The following CTBP2 variants were observed in gnomAD, a reference collection of about 807,000 sequenced individuals.
CTBP2 encodes the protein C-terminal binding protein 2.
In CTBP2, 30 loss-of-function variants were observed where a neutral mutation model predicts 80.3. The observed-to-expected ratio is 0.37, with a 90% CI of 0.28 to 0.51. CTBP2 has a LOEUF of 0.51. CTBP2 is among the 20% of genes least tolerant of loss of function. The pLI is 0.93. For missense variants in CTBP2, 1,212 were observed against 1,375.3 expected, an observed-to-expected ratio of 0.88 and a Z score of 1.88; for synonymous variants, 594 against 587.4, an observed-to-expected ratio of 1.01 and a Z score of -0.16.
chr10:125,104,928 CCT>C (rs1477579233), intron 2 of CTBP2, among the ~76,000 whole-genome samples: 1 of 152,200 alleles, frequency 6.6e-6, no homozygotes, highest in Admixed American at 6.5e-5. Context: ...CGCCCCCACC[CCT>C]GTGAAAACAC....
chr10:125,124,369 C>T (rs1401395350), intron 1 of CTBP2, among the ~76,000 whole-genome samples: 1 of 152,214 alleles, frequency 6.6e-6, no homozygotes, highest in African/African-American at 2.4e-5. Context: ...CAAAAGAAAA[C>T]TGCAGGAGCG....
At chr10:125,005,520 C>A in intron 1 of CTBP2, 2 of 1,588,116 alleles carry the variant, frequency 1.3e-6, no homozygotes, top group Non-Finnish European at 1.7e-6. Context: ...AAGGCAGGGA[C>A]GAGGGCCAAC....
chr10:125,051,465 C>T (rs939673448), intron 2 of CTBP2, among the ~76,000 whole-genome samples: 3 of 152,132 alleles, frequency 2.0e-5, no homozygotes, highest in Admixed American at 2.0e-4. Context: ...CATGGCAAAA[C>T]CCCATCTCTA....
chr10:125,084,027 C>T (rs143156152), intron 2 of CTBP2, among the ~76,000 whole-genome samples: 487 of 152,312 alleles, frequency 3.2e-3, no homozygotes, highest in African/African-American at 0.011. Flanking sequence ...ATGATCTGCC[C>T]GCCTTGGCCT....
Position 124,994,795 on chromosome 10 carries a change from T to C in CTBP2, c.2186-112A>G, listed in dbSNP as rs1343422544. The C allele has an allele frequency of 6.5e-6, 7 of 1,074,388 alleles. No individual in the cohort carries two copies. In the Admixed American group the frequency reaches 1.0e-4, roughly 16 times the overall value. The allele number at this position is 1,074,388 out of a possible 1,614,324, so 66.6% of individuals were successfully genotyped here. A position where few individuals can be genotyped will look rare whatever the true frequency, so the allele number is the denominator to read the frequency against. Reference sequence around the variant, plus strand: ...GCTTGGCATCCCCGCTGGTAGCTGCTGCCAGAGAAACCGTGTGCCCAAAGC... The same window carrying C: ...GCTTGGCATCCCCGCTGGTAGCTGCCGCCAGAGAAACCGTGTGCCCAAAGC... On this transcript the variant is annotated intron_variant, in intron 4 of 8. Transcript: ENST00000309035.
intron 1 of CTBP2, among the ~76,000 whole-genome samples, chr10:125,025,856 C>T (rs376445837): frequency 6.6e-4 from 101 of 152,338 alleles, no homozygotes; most frequent in African/African-American, 2.4e-3. Context: ...AACTAAAGAA[C>T]AGGAGGGCAC....
chr10:125,110,412 A>G (rs2135922274), intron 2 of CTBP2, among the ~76,000 whole-genome samples: 1 of 152,282 alleles, frequency 6.6e-6, no homozygotes, highest in South Asian at 2.1e-4. Flanking sequence ...CCATCCATCA[A>G]TGAGTGTGGT....
At chr10:125,077,357 G>A (rs1846422246) in intron 2 of CTBP2, among the ~76,000 whole-genome samples, 1 of 152,052 alleles carries the variant, frequency 6.6e-6, no homozygotes, top group African/African-American at 2.4e-5. Context: ...GTTGGTTTCT[G>A]CAGAGTTGGT....
At chr10:125,152,264 G>C (rs1220042860) in intron 1 of CTBP2, among the ~76,000 whole-genome samples, 2 of 152,208 alleles carry the variant, frequency 1.3e-5, no homozygotes, top group Admixed American at 1.3e-4. Flanking sequence ...CGGACGCCAG[G>C]AGGCCCGTCC....
intron 1 of CTBP2, among the ~76,000 whole-genome samples, chr10:125,007,546 G>C (rs1242925864): frequency 6.6e-6 from 1 of 152,072 alleles, no homozygotes; most frequent in African/African-American, 2.4e-5. Context: ...ATGGCGGAAG[G>C]ATCCGGAGCT....
At chr10:125,108,488 T>C (rs949808696) in intron 2 of CTBP2, among the ~76,000 whole-genome samples, 2 of 152,244 alleles carry the variant, frequency 1.3e-5, no homozygotes, top group Non-Finnish European at 2.9e-5. Flanking sequence ...TGGGCTCTGG[T>C]TGAAATCCAT....
chr10:125,044,642 C>T (rs962172979), intron 2 of CTBP2, among the ~76,000 whole-genome samples: 1 of 152,126 alleles, frequency 6.6e-6, no homozygotes, highest in African/African-American at 2.4e-5. Flanking sequence ...GTGGCGTGTG[C>T]CTCTAGTCTC....
intron 2 of CTBP2, among the ~76,000 whole-genome samples, chr10:125,083,612 G>A (rs753545909): frequency 2.0e-5 from 3 of 152,080 alleles, no homozygotes; most frequent in African/African-American, 4.8e-5. Context: ...GTCCGAACAA[G>A]CACCCAGGAT....
chr10:125,066,618 G>A lies in CTBP2; in HGVS notation c.-101-27463C>T, dbSNP rs945292588. On this transcript the variant is annotated intron_variant, in intron 2 of 10. Coordinates refer to the CTBP2 transcript ENST00000337195. This position sits in a 1 kb window ranked among gnomAD's most constrained non-coding sequence, Gnocchi z 4.1. ...CAAAGTCTGCCTGGTGGAGGAGGGT[G>A]ACACCTGCACAGAAGCCAGGGAGCA... Among the ~76,000 whole-genome samples, 1 of 152,230 alleles carries A rather than the reference G, an allele frequency of 6.6e-6. No homozygotes were observed. The highest frequency in any genetic ancestry group is 1.5e-5 in the Non-Finnish European group (1 of 68,004).
At position 125,027,201 on chromosome 10, in the gene CTBP2, C is replaced by A; in HGVS notation, c.559G>T (p.Gly187Trp). Residue 187 changes from glycine (G) to tryptophan (W), a missense_variant, in exon 1 of 9, where the codon GGG becomes TGG. Gly to Trp is a radical substitution (Grantham distance 184). Transcript: ENST00000309035. ...TCGGGCTGCTCCCGTCCATACCGCC[C>A]GGGAGATGCAGCCCTGCTCTGTGTC... 1 of 1,609,728 alleles carries A rather than the reference C, an allele frequency of 6.2e-7. No individual in the cohort carries two copies. The highest frequency in any genetic ancestry group is 8.5e-7 in the Non-Finnish European group (1 of 1,176,900).
At chr10:125,120,100 G>A (rs1564966407) in intron 1 of CTBP2, among the ~76,000 whole-genome samples, 1 of 152,208 alleles carries the variant, frequency 6.6e-6, no homozygotes, top group South Asian at 2.1e-4. Flanking sequence ...GAGAGAATTG[G>A]TGGGCTGGAG....
chr10:125,098,322 C>T (rs1849873831), intron 2 of CTBP2, among the ~76,000 whole-genome samples: 1 of 152,130 alleles, frequency 6.6e-6, no homozygotes, highest in African/African-American at 2.4e-5. Flanking sequence ...AGACTACTCC[C>T]CAAATTCCAT....
intron 2 of CTBP2, among the ~76,000 whole-genome samples, chr10:125,069,425 C>T (rs1845127622): frequency 1.3e-5 from 2 of 152,134 alleles, no homozygotes; most frequent in African/African-American, 4.8e-5. Flanking sequence ...CAAGACCAGC[C>T]TGGCCAACAT....
chr10:125,069,563 G>A (rs905477577), intron 2 of CTBP2, among the ~76,000 whole-genome samples: 4 of 152,220 alleles, frequency 2.6e-5, no homozygotes. Flanking sequence ...AGGTTGTAGT[G>A]AGCCTGAGAT....
Sources: gnomAD v4.1 joint callset for allele counts (sites outside exome capture counted in the v4.1 genomes callset) on GRCh38, gnomAD v4.1.1 for gene constraint, Gnocchi (gnomAD v3.1) non-coding constraint, MANE v1.5 for transcripts, NCBI Gene and HGNC (gene_info 2026-07-23, HGNC 2026-07-21) for gene names.